Variants in PIP5K1B observed in about 807,000 individuals in gnomAD.
The protein encoded by PIP5K1B is phosphatidylinositol-4-phosphate 5-kinase type 1 beta.
In PIP5K1B, 42 loss-of-function variants were observed where a neutral mutation model predicts 67.0. The ratio of observed to expected loss-of-function variants is 0.63; its 90% CI spans 0.49 to 0.81. PIP5K1B has a LOEUF of 0.81. PIP5K1B is among the 30% of genes least tolerant of loss of function. PIP5K1B has a pLI of 0.00. For synonymous variants in PIP5K1B, 214 were observed against 231.4 expected (o/e 0.92, Z 0.68); for missense variants, 459 against 646.3 (o/e 0.71, Z 3.14).
chr9:68,990,823 C>G (rs1396492957), intron 14 of PIP5K1B, among the ~76,000 whole-genome samples: 1 of 151,702 alleles, frequency 6.6e-6, no homozygotes, highest in Non-Finnish European at 1.5e-5. Flanking sequence ...ACCACCACAC[C>G]CAGCTAATTT....
intron 15 of PIP5K1B, among the ~76,000 whole-genome samples, chr9:69,005,576 A>G (rs1044486958): frequency 6.6e-6 from 1 of 152,060 alleles, no homozygotes; most frequent in African/African-American, 2.4e-5. Context: ...GGGTTTCTCC[A>G]TGTTGGTCAG....
chr9:68,806,055 T>TA (rs1381248002), intron 2 of PIP5K1B, among the ~76,000 whole-genome samples: 3 of 152,224 alleles, frequency 2.0e-5, no homozygotes, highest in Non-Finnish European at 4.4e-5. Context: ...GCCCTGACCC[T>TA]ACCTGACCTG....
At chr9:68,799,811 TGAC>T (rs1832500777) in intron 2 of PIP5K1B, among the ~76,000 whole-genome samples, 1 of 152,178 alleles carries the variant, frequency 6.6e-6, no homozygotes, top group Non-Finnish European at 1.5e-5. Flanking sequence ...AAAGGCTTCA[TGAC>T]ATTGGTTTTG....
At chr9:68,918,429 T>C (rs1826208820) in intron 9 of PIP5K1B, among the ~76,000 whole-genome samples, 1 of 152,326 alleles carries the variant, frequency 6.6e-6, no homozygotes, top group African/African-American at 2.4e-5. Context: ...ATAAGAATGA[T>C]GTTCGCAATT....
chr9:68,770,247 T>C (rs1284734501), intron 2 of PIP5K1B, among the ~76,000 whole-genome samples: 1 of 152,200 alleles, frequency 6.6e-6, no homozygotes, highest in Non-Finnish European at 1.5e-5. Context: ...GTATCCCAAG[T>C]GTCCAGTGCT....
intron 8 of PIP5K1B, among the ~76,000 whole-genome samples, chr9:68,901,862 C>T (rs1188307414): frequency 1.3e-5 from 2 of 152,108 alleles, no homozygotes; most frequent in Non-Finnish European, 2.9e-5. Context: ...ATTGTGAGAA[C>T]AGAAATAATG....
At chr9:69,000,985 C>T (rs1830799922) in intron 15 of PIP5K1B, among the ~76,000 whole-genome samples, 1 of 151,868 alleles carries the variant, frequency 6.6e-6, no homozygotes, top group Non-Finnish European at 1.5e-5. Flanking sequence ...GCAACCTCCA[C>T]CTCCCAGGTT....
intron 8 of PIP5K1B, among the ~76,000 whole-genome samples, chr9:68,905,565 G>A (rs1052253144): frequency 2.6e-5 from 4 of 152,126 alleles, no homozygotes; most frequent in East Asian, 3.8e-4. Flanking sequence ...GAGTTTCCAA[G>A]GTCTAGGAAA....
At chr9:68,984,022 T>TCCA (rs1431399895) in intron 14 of PIP5K1B, among the ~76,000 whole-genome samples, 2 of 152,148 alleles carry the variant, frequency 1.3e-5, no homozygotes, top group African/African-American at 2.4e-5. Context: ...AACACTGCAC[T>TCCA]CCAGCCTGGA....
At chr9:68,868,509 AT>A (rs1204077482) in intron 5 of PIP5K1B, among the ~76,000 whole-genome samples, 1 of 152,234 alleles carries the variant, frequency 6.6e-6, no homozygotes, top group Non-Finnish European at 1.5e-5. Flanking sequence ...TAAAGCCGAG[AT>A]TTTAACTCAG....
At chr9:68,852,847 C>G (rs1434136448) in intron 4 of PIP5K1B, among the ~76,000 whole-genome samples, 2 of 152,172 alleles carry the variant, frequency 1.3e-5, no homozygotes, top group Admixed American at 1.3e-4. Flanking sequence ...CAGAGACACT[C>G]ACTGTGGACT....
At chr9:68,974,384 C>A (rs1829535488) in intron 14 of PIP5K1B, among the ~76,000 whole-genome samples, 1 of 152,174 alleles carries the variant, frequency 6.6e-6, no homozygotes, top group Non-Finnish European at 1.5e-5. Flanking sequence ...GCTTGAGAAC[C>A]ACTATTTAAG....
At chr9:68,818,593 A>G (rs1276151300) in intron 3 of PIP5K1B, 48 bp downstream of exon 3, 3 of 152,640 alleles carry the variant, frequency 2.0e-5, no homozygotes, top group African/African-American at 7.2e-5. Flanking sequence ...TCAAATCAGT[A>G]TAGAGCCCTT....
chr9:69,006,844 C>G (rs1363130768), intron 15 of PIP5K1B, among the ~76,000 whole-genome samples: 1 of 152,224 alleles, frequency 6.6e-6, no homozygotes, highest in Non-Finnish European at 1.5e-5. Context: ...ACTTCTAAAT[C>G]TAATCAGTAG....
At chr9:68,828,861 G>A (rs1455654903) in intron 4 of PIP5K1B, among the ~76,000 whole-genome samples, 1 of 152,190 alleles carries the variant, frequency 6.6e-6, no homozygotes, top group Admixed American at 6.5e-5. Context: ...CAGCACTTCG[G>A]GAGGCCGAGA....
At chr9:68,833,088 A>G (rs1421826027) in intron 4 of PIP5K1B, among the ~76,000 whole-genome samples, 1 of 152,254 alleles carries the variant, frequency 6.6e-6, no homozygotes, top group African/African-American at 2.4e-5. Context: ...ACAGAGGCCA[A>G]GACAGACATA....
At chr9:68,935,085 G>C in intron 13 of PIP5K1B, 40 bp downstream of exon 13, 1 of 1,559,612 alleles carries the variant, frequency 6.4e-7, no homozygotes, top group Non-Finnish European at 8.8e-7. Context: ...AAACGTTCTT[G>C]TGATTTATTT....
chr9:69,000,073 G>A, intron 15 of PIP5K1B, among the ~76,000 whole-genome samples: 1 of 152,090 alleles, frequency 6.6e-6, no homozygotes, highest in East Asian at 1.9e-4. Context: ...AAATGAAGGT[G>A]TTACCTTCCC....
intron 2 of PIP5K1B, among the ~76,000 whole-genome samples, chr9:68,757,364 A>G (rs937529356): frequency 2.0e-5 from 3 of 152,188 alleles, no homozygotes; most frequent in African/African-American, 7.2e-5. Flanking sequence ...AGAGGTTGGC[A>G]TTACTGGCCA....
Sources: gnomAD v4.1 joint callset for allele counts (sites outside exome capture counted in the v4.1 genomes callset) on GRCh38, gnomAD v4.1.1 for gene constraint, MANE v1.5 for transcripts, NCBI Gene and HGNC (gene_info 2026-07-23, HGNC 2026-07-21) for gene names.